Variants in ATP11C observed in about 807,000 individuals in gnomAD.
ATP11C encodes ATPase phospholipid transporting 11C (ATP11C blood group).
A neutral mutation model predicts 97.4 loss-of-function variants in ATP11C; 36 were observed. The ratio of observed to expected loss-of-function variants is 0.37; its 90% CI spans 0.28 to 0.49. The LOEUF (loss-of-function observed/expected upper bound fraction) is 0.49, where lower values mean the gene tolerates loss of function less well. Ranked by LOEUF, ATP11C falls within the 20% of genes least tolerant of loss-of-function variation. The pLI, the probability that ATP11C is intolerant of heterozygous loss-of-function variation, is 0.98. For synonymous variants in ATP11C, 275 were observed against 290.9 expected (o/e 0.95, Z 0.56); for missense variants, 730 against 824.6 (o/e 0.89, Z 1.40).
At chrX:139,732,494 G>C in intron 28 of ATP11C, 1 of 366,312 alleles carries the variant, frequency 2.7e-6, no homozygotes, top group Non-Finnish European at 5.3e-6. Context: ...GAAGATAGCA[G>C]ATGTTCCTGA....
intron 1 of ATP11C, among the ~76,000 whole-genome samples, chrX:139,831,211 T>A (rs1380920668): frequency 2.7e-5 from 3 of 111,613 alleles, no homozygotes; most frequent in Non-Finnish European, 5.6e-5. Context: ...TTTGTGTTGT[T>A]CTGCCTTTAA....
rs1400896632 is a variant in ATP11C at position 139,913,766 on chromosome X, C to T, written c.27+18250G>A. Among the ~76,000 whole-genome samples, 4 of 111,642 alleles carry T rather than the reference C, an allele frequency of 3.6e-5. No individual in the cohort carries two copies. In the South Asian group the frequency reaches 1.5e-3, roughly 42 times the overall value. ...GTTGACTCTCTTTTTGGACTCAGCC[C>T]GCCTGCACCCAGGTGAAATGAACAG... On this transcript the variant is annotated intron_variant, in intron 1 of 29. Transcript: ENST00000682941.
intron 1 of ATP11C, among the ~76,000 whole-genome samples, chrX:139,841,689 C>G (rs2083834050): frequency 8.9e-6 from 1 of 112,231 alleles, no homozygotes; most frequent in Non-Finnish European, 1.9e-5. Flanking sequence ...ACTAGAACAC[C>G]TAAGTGGTAT....
intron 1 of ATP11C, among the ~76,000 whole-genome samples, chrX:139,880,300 TAGAG>T (rs1219332479): frequency 3.8e-4 from 42 of 111,569 alleles, no homozygotes; most frequent in African/African-American, 1.3e-3. Flanking sequence ...TTAAAGAAGA[TAGAG>T]AGTGATTTCA....
intron 2 of ATP11C, among the ~76,000 whole-genome samples, chrX:139,826,327 AATG>A: frequency 9.1e-6 from 1 of 109,846 alleles, no homozygotes; most frequent in Non-Finnish European, 1.9e-5. Flanking sequence ...TCTCCAAAAG[AATG>A]CAAATTCTTT....
intron 23 of ATP11C, among the ~76,000 whole-genome samples, chrX:139,757,560 A>G (rs1449397378): frequency 1.8e-5 from 2 of 111,964 alleles, no homozygotes; most frequent in African/African-American, 6.5e-5. Context: ...ACATTGATAA[A>G]AAGAAAAAAT....
intron 20 of ATP11C, among the ~76,000 whole-genome samples, chrX:139,764,497 T>C (rs2082097339): frequency 8.9e-6 from 1 of 112,883 alleles, no homozygotes; most frequent in Non-Finnish European, 1.9e-5. Context: ...TACCCTATGT[T>C]TTAGATAATC....
chrX:139,852,474 G>C (rs1434394248), intron 1 of ATP11C, among the ~76,000 whole-genome samples: 1 of 29,012 alleles, frequency 3.4e-5, no homozygotes, highest in Admixed American at 4.0e-4. Context: ...GGGGGGGGGG[G>C]GGGGGGGAAC....
intron 1 of ATP11C, among the ~76,000 whole-genome samples, chrX:139,902,127 T>C (rs923110161): frequency 1.8e-5 from 2 of 111,536 alleles, no homozygotes; most frequent in Non-Finnish European, 1.9e-5. Flanking sequence ...TTGGAAAGGA[T>C]AATCAGAAAC....
At chrX:139,863,219 T>C (rs993620762) in intron 1 of ATP11C, among the ~76,000 whole-genome samples, 2 of 112,657 alleles carry the variant, frequency 1.8e-5, no homozygotes, top group African/African-American at 6.4e-5. Context: ...TTTTTAATCA[T>C]TCCTGAGAAC....
intron 15 of ATP11C, 84 bp from the exon 16 acceptor site, chrX:139,785,383 C>T: frequency 1.5e-6 from 1 of 671,621 alleles, no homozygotes; most frequent in Non-Finnish European, 2.3e-6. Flanking sequence ...GATATTTAAA[C>T]ATCTTAAATC....
At chrX:139,925,433 G>C (rs2085335311) in intron 1 of ATP11C, among the ~76,000 whole-genome samples, 1 of 112,561 alleles carries the variant, frequency 8.9e-6, no homozygotes, top group African/African-American at 3.2e-5. Context: ...TTACAGGCCT[G>C]TGCTACCACT....
intron 1 of ATP11C, among the ~76,000 whole-genome samples, chrX:139,918,109 C>T (rs1055011945): frequency 6.3e-5 from 7 of 110,755 alleles, no homozygotes; most frequent in Non-Finnish European, 1.3e-4. Context: ...AAATTAAACA[C>T]AGAATTACCA....
At chrX:139,771,394 G>A (rs1426966702) in intron 19 of ATP11C, among the ~76,000 whole-genome samples, 7 of 111,236 alleles carry the variant, frequency 6.3e-5, no homozygotes, top group African/African-American at 2.3e-4. Flanking sequence ...GCATGAAAAC[G>A]GACTAATACA....
intron 21 of ATP11C, among the ~76,000 whole-genome samples, chrX:139,762,784 AAC>A: frequency 9.3e-6 from 1 of 107,933 alleles, no homozygotes; most frequent in Non-Finnish European, 1.9e-5. Context: ...GCCTAATAGC[AAC>A]CAGAGAAGGG....
intron 1 of ATP11C, among the ~76,000 whole-genome samples, chrX:139,861,052 GGAA>G (rs1569481671): frequency 8.9e-6 from 1 of 111,881 alleles, no homozygotes; most frequent in Non-Finnish European, 1.9e-5. Flanking sequence ...GGACCAGAGA[GGAA>G]GAAGTAGGAG....
chrX:139,742,241 C>A (rs935015255), intron 26 of ATP11C, among the ~76,000 whole-genome samples: 1 of 111,193 alleles, frequency 9.0e-6, no homozygotes, highest in Non-Finnish European at 1.9e-5. Context: ...TGAGCACCCT[C>A]CTAAGTGCTT....
chrX:139,930,051 C>A (rs1480607602), intron 1 of ATP11C, among the ~76,000 whole-genome samples: 7 of 111,948 alleles, frequency 6.3e-5, no homozygotes, highest in Non-Finnish European at 1.3e-4. Flanking sequence ...CTGATACTTA[C>A]CACAGTCATG....
intron 20 of ATP11C, among the ~76,000 whole-genome samples, chrX:139,763,805 C>T (rs1251799656): frequency 8.9e-6 from 1 of 111,742 alleles, no homozygotes; most frequent in Non-Finnish European, 1.9e-5. Flanking sequence ...CCCATGGATA[C>T]GGAGGGCCAA....
Sources: gnomAD v4.1 joint callset for allele counts (sites outside exome capture counted in the v4.1 genomes callset) on GRCh38, gnomAD v4.1.1 for gene constraint, MANE v1.5 for transcripts, NCBI Gene and HGNC (gene_info 2026-07-23, HGNC 2026-07-21) for gene names.